The following GPATCH2 variants were observed in gnomAD, a reference collection of about 807,000 sequenced individuals.
The protein encoded by GPATCH2 is G-patch domain containing 2.
GPATCH2 carries 51 observed loss-of-function variants against 58.0 expected under a neutral mutation model. That is an observed-to-expected ratio of 0.88 (90% CI 0.70 to 1.11). The LOEUF (loss-of-function observed/expected upper bound fraction) is 1.11. Among genes scored for constraint, GPATCH2 ranks in the 50% most tolerant of loss-of-function variants. The pLI is 0.00. For missense variants in GPATCH2, 625 were observed against 652.2 expected (o/e 0.96, Z 0.45); for synonymous variants, 222 against 218.5 (o/e 1.02, Z -0.14).
intron 5 of GPATCH2, among the ~76,000 whole-genome samples, chr1:217,583,129 AAAAGAG>A (rs1472915004): frequency 1.3e-5 from 2 of 152,236 alleles, no homozygotes; most frequent in Non-Finnish European, 2.9e-5. Context: ...GATGAAGATA[AAAAGAG>A]AATTAAATAA....
intron 5 of GPATCH2, among the ~76,000 whole-genome samples, chr1:217,537,651 G>A (rs899689978): frequency 2.6e-5 from 4 of 152,072 alleles, no homozygotes; most frequent in African/African-American, 9.7e-5. Flanking sequence ...TGAAACAAAA[G>A]AGTCAAATTC....
At chr1:217,506,321 C>T (rs1414609393) in intron 6 of GPATCH2, among the ~76,000 whole-genome samples, 3 of 152,048 alleles carry the variant, frequency 2.0e-5, no homozygotes, top group Non-Finnish European at 4.4e-5. Context: ...ACTATAACTA[C>T]TTTATTGAAG....
intron 5 of GPATCH2, among the ~76,000 whole-genome samples, chr1:217,522,424 A>T (rs989923713): frequency 2.6e-5 from 4 of 152,182 alleles, no homozygotes; most frequent in African/African-American, 9.7e-5. Context: ...CCCAATAGTG[A>T]TAGTAAAGAA....
At chr1:217,483,863 T>A (rs1295617509) in intron 8 of GPATCH2, among the ~76,000 whole-genome samples, 1 of 152,246 alleles carries the variant, frequency 6.6e-6, no homozygotes, top group East Asian at 1.9e-4. Context: ...TGTTTACATA[T>A]TCTTGATATA....
chr1:217,533,668 T>G (rs1251600126), intron 5 of GPATCH2, among the ~76,000 whole-genome samples: 1 of 152,214 alleles, frequency 6.6e-6, no homozygotes, highest in African/African-American at 2.4e-5. Flanking sequence ...AATAATCACT[T>G]GTTGACTTAA....
chr1:217,492,770 T>C (rs935674641), intron 7 of GPATCH2: 3 of 152,196 alleles, frequency 2.0e-5, no homozygotes, highest in African/African-American at 7.2e-5. Context: ...ATTTAAAATA[T>C]TCAGTGCTAT....
chr1:217,498,260 T>C, intron 7 of GPATCH2, 96 bp downstream of exon 7: 1 of 952,186 alleles, frequency 1.1e-6, no homozygotes, highest in Non-Finnish European at 1.7e-6. Context: ...GGGATTTGTA[T>C]TTTTTCTCAT....
intron 5 of GPATCH2, among the ~76,000 whole-genome samples, chr1:217,524,462 G>A (rs1438806303): frequency 1.3e-5 from 2 of 151,030 alleles, no homozygotes; most frequent in Non-Finnish European, 3.0e-5. Context: ...ACGGGGTGGC[G>A]GCCGGGCAGA....
intron 5 of GPATCH2, among the ~76,000 whole-genome samples, chr1:217,577,785 T>C (rs1666875235): frequency 6.6e-6 from 1 of 152,106 alleles, no homozygotes; most frequent in African/African-American, 2.4e-5. Flanking sequence ...TTTGCTCCTG[T>C]TGCCCAGGCT....
At chr1:217,575,875 T>C (rs746871654) in intron 5 of GPATCH2, among the ~76,000 whole-genome samples, 1 of 152,196 alleles carries the variant, frequency 6.6e-6, no homozygotes, top group Non-Finnish European at 1.5e-5. Flanking sequence ...ACTTACTTTT[T>C]GTGTTTTTTC....
At chr1:217,584,364 T>TATATACAC (rs1226981154) in intron 5 of GPATCH2, among the ~76,000 whole-genome samples, 74 of 121,508 alleles carry the variant, frequency 6.1e-4, no homozygotes, top group African/African-American at 1.9e-3. Context: ...TATATATATA[T>TATATACAC]ACACACACAC....
intron 5 of GPATCH2, among the ~76,000 whole-genome samples, chr1:217,603,730 C>T (rs935363540): frequency 3.3e-5 from 5 of 152,078 alleles, no homozygotes; most frequent in Non-Finnish European, 7.4e-5. Context: ...TTAAGTGATT[C>T]TCCTGCTTCT....
Position 217,485,459 on chromosome 1 carries a change from C to CT in GPATCH2, c.1277+6220dup, listed in dbSNP as rs56048191. Among the ~76,000 whole-genome samples the CT allele has an allele frequency of 5.3e-3, 720 of 137,020 alleles. 3 individuals are homozygous for CT. Among genetic ancestry groups the CT allele is most frequent in the Non-Finnish European group, 5.9e-3 (369 of 62,180 alleles). The allele number at this position is 137,020 out of a possible 152,430, so 89.9% of individuals were successfully genotyped here. ...ACGGTGTTAGGTGTGGGTTGAATAT[C>CT]TTTTTTTTTTTTTTTTGCAAATGAC... On this transcript the variant is annotated intron_variant, in intron 8 of 9. Coordinates refer to ENST00000366935, the MANE Select transcript of GPATCH2 (RefSeq NM_018040.5).
chr1:217,600,990 T>TAGGA (rs1479178032), intron 5 of GPATCH2, among the ~76,000 whole-genome samples: 2 of 152,118 alleles, frequency 1.3e-5, no homozygotes, highest in African/African-American at 4.8e-5. Flanking sequence ...AGCCATTTCT[T>TAGGA]TACTAATAAA....
intron 5 of GPATCH2, among the ~76,000 whole-genome samples, chr1:217,586,219 T>C (rs1190802280): frequency 6.6e-6 from 1 of 152,230 alleles, no homozygotes; most frequent in Non-Finnish European, 1.5e-5. Context: ...CTTGGTTTAT[T>C]GTAACTTTTA....
At chr1:217,494,920 G>A (rs1211092027) in intron 7 of GPATCH2, 1 of 157,748 alleles carries the variant, frequency 6.3e-6, no homozygotes, top group African/African-American at 2.4e-5. Flanking sequence ...ACTCCTATCA[G>A]TGTCACAAGT....
chr1:217,465,954 C>A lies in GPATCH2; in HGVS notation c.1278-16617G>T, dbSNP rs1166517566. Among the ~76,000 whole-genome samples, 50 of 152,102 alleles carry A rather than the reference C, an allele frequency of 3.3e-4. 1 individual carries two copies. Among genetic ancestry groups the A allele is most frequent in the Admixed American group, 2.9e-3 (45 of 15,270 alleles). On this transcript the variant is annotated intron_variant, in intron 8 of 9. Coordinates refer to ENST00000366935, the MANE Select transcript of GPATCH2 (RefSeq NM_018040.5). ...AAGTCACTTTTATGTCTAAGAAAAT[C>A]AGACTATATCAGATATAGAAAGCAA...
intron 5 of GPATCH2, among the ~76,000 whole-genome samples, chr1:217,517,181 A>AT (rs1292619087): frequency 3.3e-5 from 5 of 152,248 alleles, no homozygotes; most frequent in Non-Finnish European, 7.3e-5. Context: ...AGATACTTAA[A>AT]TAATTTTACC....
chr1:217,584,342 A>AT (rs1201979376), intron 5 of GPATCH2, among the ~76,000 whole-genome samples: 10 of 82,576 alleles, frequency 1.2e-4, no homozygotes, highest in Admixed American at 5.0e-4. Flanking sequence ...AAAAAAAAAA[A>AT]AAATATATAT....
Sources: gnomAD v4.1 joint callset for allele counts (sites outside exome capture counted in the v4.1 genomes callset) on GRCh38, gnomAD v4.1.1 for gene constraint, MANE v1.5 for transcripts, NCBI Gene and HGNC (gene_info 2026-07-23, HGNC 2026-07-21) for gene names.